Variants in LGSN observed in about 807,000 individuals in gnomAD.
LGSN encodes lengsin, lens protein with glutamine synthetase domain, also known as lengsin.
A neutral mutation model predicts 19.5 loss-of-function variants in LGSN; 21 were observed. That is an observed-to-expected ratio of 1.07 (90% CI 0.76 to 1.55). The LOEUF (loss-of-function observed/expected upper bound fraction) is 1.55, where lower values mean the gene tolerates loss of function less well. Ranked by LOEUF, LGSN falls within the 40% of genes most tolerant of loss-of-function variation. LGSN has a pLI of 0.00. For synonymous variants in LGSN, 257 were observed against 215.6 expected (o/e 1.19, Z -1.68); for missense variants, 673 against 608.5 (o/e 1.11, Z -1.12).
chr6:63,337,153 G>A, the LGSN span, among the ~76,000 whole-genome samples: 1 of 149,938 alleles, frequency 6.7e-6, no homozygotes, highest in African/African-American at 2.5e-5. Context: ...TCAAATCCCT[G>A]ACCTCTTGAT....
chr6:63,320,615 A>G (rs1449795722), upstream of LGSN, among the ~76,000 whole-genome samples: 1 of 152,186 alleles, frequency 6.6e-6, no homozygotes, highest in East Asian at 1.9e-4. Flanking sequence ...TCCCATAAAC[A>G]ATCCTAACTC....
chr6:63,425,903 G>A, the LGSN span, among the ~76,000 whole-genome samples: 1 of 152,002 alleles, frequency 6.6e-6, no homozygotes, highest in Non-Finnish European at 1.5e-5. Flanking sequence ...TTATATATGT[G>A]TATATACTCA....
the LGSN span, chr6:63,527,850 A>C: frequency 6.6e-6 from 1 of 152,240 alleles, no homozygotes; most frequent in East Asian, 1.9e-4. Context: ...AGAACATGAA[A>C]GGGTGACTCA....
rs528313642 is a variant in LGSN, at chr6:63,285,090, T to G, written c.330+497A>C. On this transcript the variant is annotated intron_variant, in intron 3 of 3. Transcript: ENST00000370657. ...CAATATTTCTTGATATCATCATTTTTGGGAATTTAATAATATTCATTAAGT... is the reference window on the plus strand; with the variant it reads ...CAATATTTCTTGATATCATCATTTTGGGGAATTTAATAATATTCATTAAGT... 9.0e-4 allele frequency among the ~76,000 whole-genome samples: 137 copies of G among 152,342 alleles called. 1 individual carries two copies. Among genetic ancestry groups the G allele is most frequent in the Non-Finnish European group, 9.6e-4 (65 of 68,018 alleles).
At chr6:63,572,930 C>T in the LGSN span, among the ~76,000 whole-genome samples, 83 of 152,244 alleles carry the variant, frequency 5.5e-4, no homozygotes, top group African/African-American at 1.9e-3. Flanking sequence ...CCCCTCGGGG[C>T]TGCGGGGTGG....
the LGSN span, among the ~76,000 whole-genome samples, chr6:63,351,010 T>C: frequency 2.0e-5 from 3 of 152,142 alleles, no homozygotes; most frequent in African/African-American, 4.8e-5. Context: ...CCCAAATTCA[T>C]ATGTGGAAAT....
chr6:63,522,172 TTTTCTGATTTTATGGAA>T, the LGSN span, among the ~76,000 whole-genome samples: 2 of 152,226 alleles, frequency 1.3e-5, no homozygotes, highest in African/African-American at 2.4e-5. Context: ...TATATTTATG[TTTTCTGATTTTATGGAA>T]TGTCATATTC....
At chr6:63,324,874 G>A (rs186530562), upstream of LGSN, among the ~76,000 whole-genome samples, 446 of 151,116 alleles carry the variant, frequency 3.0e-3, 3 homozygotes, top group African/African-American at 0.01. Flanking sequence ...CTGGGAGGCC[G>A]AGGCGGTCAC....
At chr6:63,463,311 C>T in the LGSN span, among the ~76,000 whole-genome samples, 70,512 of 151,832 alleles carry the variant, frequency 0.46, 18,204 homozygotes, top group Non-Finnish European at 0.57. Flanking sequence ...TATCTTTATT[C>T]ATTATTATTA....
the LGSN span, among the ~76,000 whole-genome samples, chr6:63,456,475 C>T: frequency 2.7e-5 from 4 of 149,076 alleles, no homozygotes; most frequent in South Asian, 8.5e-4. Flanking sequence ...AAGCGCCCCT[C>T]AGCCTCCCAA....
At chr6:63,440,555 A>T in the LGSN span, among the ~76,000 whole-genome samples, 1 of 152,136 alleles carries the variant, frequency 6.6e-6, no homozygotes, top group African/African-American at 2.4e-5. Context: ...CTTCCTGTAT[A>T]GAGCAGGCAC....
the LGSN span, among the ~76,000 whole-genome samples, chr6:63,557,328 G>C: frequency 6.6e-6 from 1 of 152,174 alleles, no homozygotes; most frequent in Non-Finnish European, 1.5e-5. Context: ...AACTTTGGGA[G>C]GCCAATGCAG....
At chr6:63,549,080 G>C in the LGSN span, 1 of 713,748 alleles carries the variant, frequency 1.4e-6, no homozygotes, top group Non-Finnish European at 2.6e-6. Context: ...GCAAGGTGGT[G>C]ATGGTGTTAA....
At chr6:63,549,832 G>A in the LGSN span, among the ~76,000 whole-genome samples, 2 of 152,094 alleles carry the variant, frequency 1.3e-5, no homozygotes, top group African/African-American at 2.4e-5. Flanking sequence ...GAGGAAAATA[G>A]GGAGAGATTT....
At chr6:63,478,128 T>C in the LGSN span, among the ~76,000 whole-genome samples, 1 of 152,252 alleles carries the variant, frequency 6.6e-6, no homozygotes. Context: ...ACTGTAAAGA[T>C]TTATGGAGTC....
At chr6:63,322,296 G>A (rs181193350), upstream of LGSN, among the ~76,000 whole-genome samples, 1 of 152,268 alleles carries the variant, frequency 6.6e-6, no homozygotes, top group Non-Finnish European at 1.5e-5. Flanking sequence ...TGTCTTCCCA[G>A]CACTAACTGA....
chr6:63,364,804 A>G, the LGSN span, among the ~76,000 whole-genome samples: 3 of 152,246 alleles, frequency 2.0e-5, no homozygotes, highest in African/African-American at 7.2e-5. Context: ...GCTCAACTAC[A>G]TGGAAACTGA....
the LGSN span, among the ~76,000 whole-genome samples, chr6:63,515,356 C>T: frequency 6.6e-6 from 1 of 152,052 alleles, no homozygotes; most frequent in Non-Finnish European, 1.5e-5. Flanking sequence ...CTCAGCTTCC[C>T]GTGTAGCTGG....
chr6:63,391,190 A>G, the LGSN span, among the ~76,000 whole-genome samples: 1 of 152,206 alleles, frequency 6.6e-6, no homozygotes, highest in Non-Finnish European at 1.5e-5. Context: ...TAAATAATTT[A>G]TTTGCAATGT....
Sources: gnomAD v4.1 joint callset for allele counts (sites outside exome capture counted in the v4.1 genomes callset) on GRCh38, gnomAD v4.1.1 for gene constraint, MANE v1.5 for transcripts, NCBI Gene and HGNC (gene_info 2026-07-23, HGNC 2026-07-21) for gene names.